Variants in TCF7L2 observed in about 807,000 individuals in gnomAD.
The protein encoded by TCF7L2 is transcription factor 7 like 2, also known as transcription factor 7-like 2.
In TCF7L2, 23 loss-of-function variants were observed where a neutral mutation model predicts 77.9. The observed-to-expected ratio is 0.30, with a 90% CI of 0.21 to 0.42. The LOEUF (loss-of-function observed/expected upper bound fraction) is 0.42. TCF7L2 is among the 10% of genes least tolerant of loss of function. TCF7L2 has a pLI of 1.00. For synonymous variants in TCF7L2, 413 were observed against 340.2 expected (o/e 1.21, Z -2.36); for missense variants, 654 against 793.1 (o/e 0.82, Z 2.11).
intron 4 of TCF7L2, among the ~76,000 whole-genome samples, chr10:112,995,326 A>G (rs2043273464): frequency 6.6e-6 from 1 of 152,158 alleles, no homozygotes; most frequent in South Asian, 2.1e-4. Context: ...CATTACCCAC[A>G]GAGGCCATTG....
intron 4 of TCF7L2, among the ~76,000 whole-genome samples, chr10:113,002,774 A>T (rs57828456): frequency 0.019 from 2,863 of 152,174 alleles, 103 homozygotes; most frequent in African/African-American, 0.065. Context: ...ACTTGTTCTT[A>T]AAAAAAATGC....
At chr10:113,098,357 G>A (rs2061284547) in intron 5 of TCF7L2, among the ~76,000 whole-genome samples, 1 of 152,046 alleles carries the variant, frequency 6.6e-6, no homozygotes, top group Admixed American at 6.6e-5. Context: ...ATGCAATTCT[G>A]TGCCCTGATT....
intron 4 of TCF7L2, among the ~76,000 whole-genome samples, chr10:112,986,988 G>T (rs1184367394): frequency 2.0e-5 from 3 of 152,222 alleles, no homozygotes; most frequent in African/African-American, 7.2e-5. Flanking sequence ...CTGCTGTGAA[G>T]AATTACTCAT....
chr10:112,967,127 G>A (rs983289529), intron 4 of TCF7L2, among the ~76,000 whole-genome samples: 2 of 152,210 alleles, frequency 1.3e-5, no homozygotes, highest in African/African-American at 4.8e-5. Context: ...AAGTACATTG[G>A]GGAGCTCATA....
chr10:112,983,278 T>C (rs1589979643), intron 4 of TCF7L2, among the ~76,000 whole-genome samples: 1 of 152,028 alleles, frequency 6.6e-6, no homozygotes, highest in East Asian at 2.0e-4. Flanking sequence ...GAAACCATCC[T>C]GGCTAACACG....
intron 5 of TCF7L2, among the ~76,000 whole-genome samples, chr10:113,065,729 T>C (rs1017682951): frequency 2.6e-5 from 4 of 152,148 alleles, no homozygotes; most frequent in Non-Finnish European, 2.9e-5. Flanking sequence ...AATCTCCAAG[T>C]TTCCTTATCT....
intron 6 of TCF7L2, among the ~76,000 whole-genome samples, chr10:113,142,264 A>T (rs2068518848): frequency 6.6e-6 from 1 of 152,210 alleles, no homozygotes; most frequent in Non-Finnish European, 1.5e-5. Flanking sequence ...TGCTGGGATT[A>T]CAGGCATGAG....
At chr10:113,139,795 T>A (rs1192402934) in intron 5 of TCF7L2, among the ~76,000 whole-genome samples, 1 of 140,244 alleles carries the variant, frequency 7.1e-6, no homozygotes, top group Admixed American at 7.5e-5. Flanking sequence ...TATATTACAT[T>A]CCTTCCTCAC....
intron 4 of TCF7L2, among the ~76,000 whole-genome samples, chr10:113,031,646 C>T (rs947631145): frequency 3.3e-5 from 5 of 152,230 alleles, no homozygotes; most frequent in Admixed American, 2.6e-4. Context: ...TGCCACCACA[C>T]CCAGCTAATT....
rs576126911 is a variant in TCF7L2, at chr10:113,151,827, C to T, written c.1104C>T (p.Val368=). Reference sequence around the variant, plus strand: ...ATATGAAGGAAATGAGAGCAAAGGTCGTAGCTGAGTGCACGTTGAAAGAAA... The same window carrying T: ...ATATGAAGGAAATGAGAGCAAAGGTTGTAGCTGAGTGCACGTTGAAAGAAA... The change falls in exon 10 of 14, where the codon GTC becomes GTT. Residue 368 remains valine, a synonymous_variant. Transcript: ENST00000627217. The surrounding 1 kb of genome is among the most constrained non-coding windows in gnomAD (Gnocchi z 5.2). 9 of 1,613,604 alleles carry T rather than the reference C, an allele frequency of 5.6e-6. No homozygotes were observed. The African/African-American group carries it at 9.3e-5, about 17-fold the overall frequency.
intron 5 of TCF7L2, among the ~76,000 whole-genome samples, chr10:113,080,716 AC>A (rs1490851230): frequency 3.3e-5 from 5 of 152,226 alleles, no homozygotes; most frequent in Admixed American, 6.5e-5. Flanking sequence ...CTCTTAACCA[AC>A]ATGGCTTGTT....
At chr10:113,153,807 A>G (rs572083366) in intron 11 of TCF7L2, among the ~76,000 whole-genome samples, 28 of 152,288 alleles carry the variant, frequency 1.8e-4, no homozygotes, top group Non-Finnish European at 3.1e-4. Flanking sequence ...GAAATCGCAA[A>G]CATCTGCCGG....
intron 13 of TCF7L2, chr10:113,161,550 G>A: frequency 6.5e-7 from 1 of 1,535,960 alleles, no homozygotes; most frequent in Non-Finnish European, 8.7e-7. Context: ...TTGGTTAAAT[G>A]TGTTGTTTCT....
chr10:113,084,607 T>C (rs1462370919), intron 5 of TCF7L2, among the ~76,000 whole-genome samples: 2 of 152,090 alleles, frequency 1.3e-5, no homozygotes, highest in African/African-American at 2.4e-5. Context: ...AACTGACACA[T>C]AAGGCCAGGC....
rs2136783611 is a variant in TCF7L2, at chr10:113,139,915, CCTT to C, written c.553-1265_553-1263del. On this transcript the variant is annotated intron_variant, in intron 5 of 13. Coordinates refer to ENST00000627217, the MANE Select transcript of TCF7L2 (RefSeq NM_001146274.2). The stretch of plus-strand genomic sequence containing the variant: ...CACTAGTGGGCAGCACTAGGACCTT[CCTT>C]CTTTTCTTTTAATGCAATTCCTTTT... 1.3e-5 allele frequency among the ~76,000 whole-genome samples: 2 copies of C among 152,092 alleles called. 1 individual carries two copies. The highest frequency in any genetic ancestry group is 4.2e-4 in the South Asian group (2 of 4,812).
chr10:112,995,110 TGAAAA>T (rs1441124604), intron 4 of TCF7L2, among the ~76,000 whole-genome samples: 1 of 151,902 alleles, frequency 6.6e-6, no homozygotes, highest in African/African-American at 2.4e-5. Flanking sequence ...TCAAAACAAA[TGAAAA>T]GAAAAGGCTG....
At position 113,166,451 on chromosome 10, in the gene TCF7L2, C is replaced by CTTTT. The variant is rs5787989; in HGVS notation, c.*491_*494dup. The stretch of plus-strand genomic sequence containing the variant: ...GGGCACCATGAATGCAGTGCCGTTA[C>CTTTT]TTTTTTTTTTTTTTTCTGTGTGAAA... On this transcript the variant is annotated 3_prime_UTR_variant, in exon 14 of 14. Transcript: ENST00000627217. 13 of 177,602 alleles carry CTTTT rather than the reference C, an allele frequency of 7.3e-5. No homozygotes were observed. The highest frequency in any genetic ancestry group is 1.0e-4 in the Non-Finnish European group (9 of 87,836). 11.0% of individuals were successfully genotyped at this position (177,602 alleles called of 1,614,324 possible). A position where few individuals can be genotyped will look rare whatever the true frequency, so the allele number is the denominator to read the frequency against.
intron 4 of TCF7L2, chr10:112,987,612 G>A (rs758827692): frequency 3.3e-5 from 5 of 152,082 alleles, no homozygotes; most frequent in Non-Finnish European, 7.4e-5. Context: ...AAGCATGGGT[G>A]CATTGACGAA....
intron 5 of TCF7L2, among the ~76,000 whole-genome samples, chr10:113,053,672 G>A (rs769226768): frequency 9.9e-5 from 15 of 152,142 alleles, no homozygotes; most frequent in Non-Finnish European, 1.6e-4. Context: ...CATTTTGATC[G>A]TTACAGAACT....
Sources: gnomAD v4.1 joint callset for allele counts (sites outside exome capture counted in the v4.1 genomes callset) on GRCh38, gnomAD v4.1.1 for gene constraint, Gnocchi (gnomAD v3.1) non-coding constraint, MANE v1.5 for transcripts, NCBI Gene and HGNC (gene_info 2026-07-23, HGNC 2026-07-21) for gene names.